The following NXPE2 variants were observed in gnomAD, a reference collection of about 807,000 sequenced individuals.
NXPE2 encodes the protein NXPE family member 2.
In NXPE2, 34 loss-of-function variants were observed where a neutral mutation model predicts 34.4. The observed-to-expected ratio is 0.99, with a 90% CI of 0.75 to 1.31. The LOEUF is 1.31. NXPE2 is among the 40% of genes most tolerant of loss of function. The pLI, the probability that NXPE2 is intolerant of heterozygous loss-of-function variation, is 0.00. For missense variants in NXPE2, 649 were observed against 672.5 expected (o/e 0.97, Z 0.39); for synonymous variants, 235 against 231.3 (o/e 1.02, Z -0.15).
chr11:114,530,580 A>C, the NXPE2 span: 5 of 1,613,968 alleles, frequency 3.1e-6, no homozygotes, highest in East Asian at 1.1e-4. Context: ...TGGGGAGGAC[A>C]TCCTGGCCCT....
the NXPE2 span, among the ~76,000 whole-genome samples, chr11:114,636,004 CTT>C: frequency 3.3e-5 from 5 of 151,982 alleles, no homozygotes; most frequent in African/African-American, 1.2e-4. Context: ...AGGATTCCCT[CTT>C]TTTCTATTGA....
chr11:114,599,047 A>G, the NXPE2 span, among the ~76,000 whole-genome samples: 98 of 152,244 alleles, frequency 6.4e-4, 2 homozygotes, highest in South Asian at 0.018. Flanking sequence ...TTTTTAGTAT[A>G]ATTTCCAGTT....
At chr11:114,598,278 G>A in the NXPE2 span, among the ~76,000 whole-genome samples, 1 of 152,146 alleles carries the variant, frequency 6.6e-6, no homozygotes, top group East Asian at 1.9e-4. Context: ...GGGCAGCTCT[G>A]CCCCTGTGGC....
At chr11:114,566,453 T>TG in the NXPE2 span, among the ~76,000 whole-genome samples, 4 of 152,104 alleles carry the variant, frequency 2.6e-5, no homozygotes, top group African/African-American at 9.7e-5. Context: ...CACAGTCAAT[T>TG]GGGTCAAACA....
chr11:114,714,858 C>T, the NXPE2 span, among the ~76,000 whole-genome samples: 1 of 152,236 alleles, frequency 6.6e-6, no homozygotes, highest in South Asian at 2.1e-4. Flanking sequence ...TCCGTGCCTA[C>T]TAAAAATACA....
the NXPE2 span, among the ~76,000 whole-genome samples, chr11:114,713,418 A>G: frequency 3.4e-4 from 52 of 152,312 alleles, no homozygotes; most frequent in Admixed American, 7.2e-4. Flanking sequence ...ACTTGCTAAA[A>G]TGAAATACAA....
chr11:114,522,399 A>AG, the NXPE2 span: 1 of 1,613,994 alleles, frequency 6.2e-7, no homozygotes, highest in Admixed American at 1.7e-5. Context: ...AAAGTGACGA[A>AG]GGGATAGCTA....
At chr11:114,551,251 A>C in the NXPE2 span, 37,035 of 1,366,536 alleles carry the variant, frequency 0.027, 570 homozygotes, top group Middle Eastern at 0.046. Flanking sequence ...TGAGAAGTGA[A>C]TCTCTCTGTA....
At chr11:114,660,452 C>T in the NXPE2 span, among the ~76,000 whole-genome samples, 1 of 151,910 alleles carries the variant, frequency 6.6e-6, no homozygotes, top group African/African-American at 2.4e-5. Context: ...AAGCCTTGTT[C>T]ATCATTTGAA....
At chr11:114,490,528 A>G in the NXPE2 span, among the ~76,000 whole-genome samples, 1 of 152,214 alleles carries the variant, frequency 6.6e-6, no homozygotes, top group Non-Finnish European at 1.5e-5. Context: ...AACAGAACAG[A>G]GACCTCAGAA....
chr11:114,594,701 G>T, the NXPE2 span: 51 of 1,604,010 alleles, frequency 3.2e-5, no homozygotes, highest in Admixed American at 1.9e-4. Context: ...AATGATCCAG[G>T]AGGCTAATAT....
chr11:114,791,362 T>G, the NXPE2 span, among the ~76,000 whole-genome samples: 1 of 152,128 alleles, frequency 6.6e-6, no homozygotes, highest in African/African-American at 2.4e-5. Context: ...CTGGGGAAGC[T>G]GCCATGAGGA....
At chr11:114,514,428 T>TC in the NXPE2 span, among the ~76,000 whole-genome samples, 1 of 152,164 alleles carries the variant, frequency 6.6e-6, no homozygotes. Flanking sequence ...ACCACTCTAT[T>TC]GCCCAGGCTG....
the NXPE2 span, among the ~76,000 whole-genome samples, chr11:114,787,071 C>G: frequency 3.3e-5 from 5 of 152,214 alleles, no homozygotes; most frequent in Admixed American, 6.5e-5. Context: ...CTGGCCTCTT[C>G]TCCCTGCATA....
At chr11:114,521,283 C>T in the NXPE2 span, among the ~76,000 whole-genome samples, 1 of 152,150 alleles carries the variant, frequency 6.6e-6, no homozygotes, top group African/African-American at 2.4e-5. Context: ...TTGCATGTCT[C>T]TTTTTGTATT....
the NXPE2 span, among the ~76,000 whole-genome samples, chr11:114,549,466 C>T: frequency 0.014 from 2,088 of 152,084 alleles, 51 homozygotes; most frequent in African/African-American, 0.048. Context: ...TAATTCTTCA[C>T]ATTAATACAG....
At chr11:114,513,829 A>G in the NXPE2 span, among the ~76,000 whole-genome samples, 2 of 152,108 alleles carry the variant, frequency 1.3e-5, no homozygotes, top group South Asian at 2.1e-4. Flanking sequence ...GAAAAATCAT[A>G]ATGAAAAAAT....
At chr11:114,645,088 G>C in the NXPE2 span, among the ~76,000 whole-genome samples, 1 of 151,554 alleles carries the variant, frequency 6.6e-6, no homozygotes, top group Non-Finnish European at 1.5e-5. Context: ...GATTCCTTGA[G>C]GTCAGGAGTT....
At chr11:114,798,470 G>GCCTCTAGGGTTC in the NXPE2 span, among the ~76,000 whole-genome samples, 1 of 151,960 alleles carries the variant, frequency 6.6e-6, no homozygotes, top group Non-Finnish European at 1.5e-5. Flanking sequence ...TGCAATCTCT[G>GCCTCTAGGGTTC]CCTCTAGGGT....
Sources: gnomAD v4.1 joint callset for allele counts (sites outside exome capture counted in the v4.1 genomes callset) on GRCh38, gnomAD v4.1.1 for gene constraint, MANE v1.5 for transcripts, NCBI Gene and HGNC (gene_info 2026-07-23, HGNC 2026-07-21) for gene names.